NNMT: variants seen among roughly 807,000 people sequenced by gnomAD.
NNMT encodes nicotinamide N-methyltransferase.
NNMT carries 10 observed loss-of-function variants against 11.7 expected under a neutral mutation model. That is an observed-to-expected ratio of 0.85 (90% CI 0.53 to 1.45). NNMT has a LOEUF of 1.45. Ranked by LOEUF, NNMT falls within the 40% of genes most tolerant of loss-of-function variation. NNMT has a pLI of 0.00. For synonymous variants in NNMT, 143 were observed against 133.8 expected (o/e 1.07, Z -0.48); for missense variants, 381 against 319.4 (o/e 1.19, Z -1.47).
chr11:114,268,907 G>T lies in NNMT; in HGVS notation c.-130+5973G>T, dbSNP rs1226827416. On this transcript the variant is annotated intron_variant, in intron 2 of 4. Coordinates refer to the NNMT transcript ENST00000535401. ...TTGTCCGGTTTTGTCCAGTTTCGTA[G>T]TTGTTTATGGTGAAAGGCAATTCCA... is the stretch of plus-strand genomic sequence containing the variant. Among the ~76,000 whole-genome samples the T allele has an allele frequency of 1.3e-5, 2 of 152,124 alleles. 1 individual carries two copies. The highest frequency in any genetic ancestry group is 4.8e-5 in the African/African-American group (2 of 41,424).
intron 2 of NNMT, among the ~76,000 whole-genome samples, chr11:114,266,168 T>C (rs1945118060): frequency 1.3e-5 from 2 of 152,236 alleles, no homozygotes; most frequent in Non-Finnish European, 2.9e-5. Context: ...TTCATAGTAA[T>C]ATCTTGCTAC....
chr11:114,269,081 C>T (rs751596579), intron 2 of NNMT, among the ~76,000 whole-genome samples: 4 of 152,086 alleles, frequency 2.6e-5, no homozygotes, highest in African/African-American at 4.8e-5. Context: ...TGAGGCAAAA[C>T]GAGACTAAAT....
chr11:114,265,600 C>T (rs917395494), intron 2 of NNMT, among the ~76,000 whole-genome samples: 1 of 152,172 alleles, frequency 6.6e-6, no homozygotes, highest in Non-Finnish European at 1.5e-5. Flanking sequence ...TTGAGTCTGC[C>T]TTGGGACAGT....
At chr11:114,292,847 T>C (rs1354031737), upstream of NNMT, among the ~76,000 whole-genome samples, 1 of 152,170 alleles carries the variant, frequency 6.6e-6, no homozygotes, top group Non-Finnish European at 1.5e-5. Flanking sequence ...ATATATGCTA[T>C]ATCACCACTA....
At chr11:114,306,526 T>G (rs1945493403) in intron 2 of NNMT, among the ~76,000 whole-genome samples, 1 of 152,214 alleles carries the variant, frequency 6.6e-6, no homozygotes, top group African/African-American at 2.4e-5. Flanking sequence ...AATTTTTGCA[T>G]AAGGTGTAAG....
At chr11:114,284,752 GCA>G (rs1479277534) in intron 2 of NNMT, among the ~76,000 whole-genome samples, 6,442 of 140,638 alleles carry the variant, frequency 0.046, 558 homozygotes, top group African/African-American at 0.16. Context: ...GTGAGCCACT[GCA>G]CCCGGCCATC....
chr11:114,305,395 A>G (rs1485109704), intron 2 of NNMT, among the ~76,000 whole-genome samples: 3 of 151,988 alleles, frequency 2.0e-5, no homozygotes, highest in Non-Finnish European at 4.4e-5. Context: ...CATGTGCACA[A>G]CGTGCAGGTT....
intron 2 of NNMT, among the ~76,000 whole-genome samples, chr11:114,273,877 G>A (rs1046516142): frequency 2.0e-5 from 3 of 152,140 alleles, no homozygotes; most frequent in Non-Finnish European, 4.4e-5. Flanking sequence ...GATGGTCTCA[G>A]TGGGGCCATA....
Position 114,312,448 on chromosome 11 carries a change from G to A in NNMT, c.766G>A (p.Val256Met). ...CAACAACGAAGGACTTTTCTCCCTG[G>A]TGGCGAGGAAGCTGAGCAGACCCCT... is the stretch of plus-strand genomic sequence containing the variant. ...MANNEGLFSL[V>M]ARKLSRPL Residue 256 changes from valine (V) to methionine (M), a missense_variant, in exon 3 of 3, where the codon GTG becomes ATG. Val to Met is a conservative substitution (Grantham distance 21). Coordinates refer to ENST00000299964, the MANE Select transcript of NNMT (RefSeq NM_006169.3). 1 of 1,614,030 alleles carries A rather than the reference G, an allele frequency of 6.2e-7. No homozygotes were observed. Among genetic ancestry groups the A allele is most frequent in the Non-Finnish European group, 8.5e-7 (1 of 1,179,950 alleles).
chr11:114,271,957 G>C lies in NNMT; in HGVS notation c.-130+9023G>C, dbSNP rs561859222. ...TGGTTGAGGGGGGCATCTGTGCAGA[G>C]AAGGAACTGGAAGGAGGGAGAGGTG... On this transcript the variant is annotated intron_variant, in intron 2 of 4. Coordinates refer to the NNMT transcript ENST00000535401. Among the ~76,000 whole-genome samples, 6 of 152,316 alleles carry C rather than the reference G, an allele frequency of 3.9e-5. No homozygotes were observed. The South Asian group carries it at 1.2e-3, about 32-fold the overall frequency.
At chr11:114,282,763 A>G (rs1022364394) in intron 2 of NNMT, among the ~76,000 whole-genome samples, 4 of 152,268 alleles carry the variant, frequency 2.6e-5, no homozygotes, top group Non-Finnish European at 2.9e-5. Flanking sequence ...GAGCCACACA[A>G]TGGAAGAAGT....
At chr11:114,277,956 C>T (rs941905092) in intron 2 of NNMT, among the ~76,000 whole-genome samples, 10 of 152,216 alleles carry the variant, frequency 6.6e-5, no homozygotes, top group African/African-American at 2.4e-4. Flanking sequence ...CTCTTTTTCT[C>T]TCCGTTAGTT....
chr11:114,308,087 C>T (rs1386068831), intron 2 of NNMT, among the ~76,000 whole-genome samples: 1 of 152,104 alleles, frequency 6.6e-6, no homozygotes, highest in Non-Finnish European at 1.5e-5. Flanking sequence ...ATTTCCTGAA[C>T]ATAGTAGAGG....
intron 2 of NNMT, among the ~76,000 whole-genome samples, chr11:114,284,452 T>C (rs1421054312): frequency 6.6e-6 from 1 of 152,106 alleles, no homozygotes; most frequent in Non-Finnish European, 1.5e-5. Flanking sequence ...GTTTTTTTTG[T>C]TTGTTTGTTT....
chr11:114,266,394 C>A (rs1469325054), intron 2 of NNMT, among the ~76,000 whole-genome samples: 7 of 152,150 alleles, frequency 4.6e-5, no homozygotes, highest in Non-Finnish European at 1.0e-4. Context: ...TCTAAATAAA[C>A]CTGCCACTGT....
chr11:114,279,002 A>T (rs557742359), intron 2 of NNMT, among the ~76,000 whole-genome samples: 1 of 152,244 alleles, frequency 6.6e-6, no homozygotes, highest in African/African-American at 2.4e-5. Context: ...ATAAAGTAGG[A>T]TGGACCAGCC....
At chr11:114,282,816 C>T (rs1327484035) in intron 2 of NNMT, among the ~76,000 whole-genome samples, 1 of 152,160 alleles carries the variant, frequency 6.6e-6, no homozygotes, top group Admixed American at 6.5e-5. Context: ...CTTCCCTTGC[C>T]TGCCATCATG....
At chr11:114,296,232 T>TA, upstream of NNMT, 1 of 219,610 alleles carries the variant, frequency 4.6e-6, no homozygotes, top group Non-Finnish European at 9.1e-6. Context: ...GTGCTCCCTC[T>TA]GGTCTACAAT....
intron 1 of NNMT, among the ~76,000 whole-genome samples, chr11:114,260,744 C>T (rs186765994): frequency 7.2e-5 from 11 of 152,308 alleles, no homozygotes; most frequent in South Asian, 2.1e-4. Flanking sequence ...TACGGACCCA[C>T]GGAACCAAGC....
Sources: gnomAD v4.1 joint callset for allele counts (sites outside exome capture counted in the v4.1 genomes callset) on GRCh38, gnomAD v4.1.1 for gene constraint, MANE v1.5 for transcripts, NCBI Gene and HGNC (gene_info 2026-07-23, HGNC 2026-07-21) for gene names.